The following HAUS1 variants were observed in gnomAD, a reference collection of about 807,000 sequenced individuals.
HAUS1 encodes the protein HAUS augmin like complex subunit 1.
In HAUS1, 25 loss-of-function variants were observed where a neutral mutation model predicts 38.6. That is an observed-to-expected ratio of 0.65 (90% confidence interval 0.47 to 0.91). The LOEUF (loss-of-function observed/expected upper bound fraction) is 0.91. HAUS1 is among the 40% of genes least tolerant of loss of function. The pLI, the probability that HAUS1 is intolerant of heterozygous loss-of-function variation, is 0.00. For synonymous variants in HAUS1, 109 were observed against 112.9 expected, an observed-to-expected ratio of 0.97 and a Z score of 0.22; for missense variants, 325 against 328.4, an observed-to-expected ratio of 0.99 and a Z score of 0.08.
At chr18:46,122,672 C>G in intron 5 of HAUS1, 82 bp downstream of exon 5, 1 of 1,491,770 alleles carries the variant, frequency 6.7e-7, no homozygotes, top group Non-Finnish European at 9.3e-7. Context: ...ATTATTATTC[C>G]CTTTTTACAG....
chr18:46,119,986 A>G lies in HAUS1; in HGVS notation c.402A>G (p.Glu134=), dbSNP rs1237659664. The change falls in exon 4 of 9, where the codon GAA becomes GAG. Residue 134 remains glutamate (E), a synonymous_variant. Transcript: ENST00000282058. ...SDLFRTKSKS[E]EIKIELEKLE... ...TCTTTCGTACCAAATCCAAAAGTGA[A>G]GAAATCAAGATTGAACTGGAAAAAC... 2 of 1,610,340 alleles carry G rather than the reference A, an allele frequency of 1.2e-6. No individual in the cohort carries two copies. The highest frequency in any genetic ancestry group is 2.2e-5 in the South Asian group (2 of 90,124).
At chr18:46,117,788 C>CA (rs977543225) in intron 2 of HAUS1, among the ~76,000 whole-genome samples, 8 of 151,552 alleles carry the variant, frequency 5.3e-5, no homozygotes, top group Non-Finnish European at 7.4e-5. Context: ...ACTAAAAATA[C>CA]AAAAAAAATT....
chr18:46,120,924 A>T (rs1287001114), intron 4 of HAUS1, among the ~76,000 whole-genome samples: 1 of 152,150 alleles, frequency 6.6e-6, no homozygotes, highest in Non-Finnish European at 1.5e-5. Context: ...TGGGTTTTAG[A>T]ATTTTCAAAA....
chr18:46,125,847 A>G (rs1175489923), intron 8 of HAUS1, 56 bp downstream of exon 8: 2 of 1,090,796 alleles, frequency 1.8e-6, no homozygotes, highest in Non-Finnish European at 1.4e-6. Flanking sequence ...AAATGCTAAT[A>G]TAGCTAAAGT....
intron 4 of HAUS1, among the ~76,000 whole-genome samples, chr18:46,120,558 A>G (rs1029365262): frequency 6.6e-6 from 1 of 151,674 alleles, no homozygotes. Context: ...TTTACTTCAT[A>G]CAATTTTACT....
At chr18:46,120,286 G>A (rs1014322924) in intron 4 of HAUS1, among the ~76,000 whole-genome samples, 33 of 151,776 alleles carry the variant, frequency 2.2e-4, no homozygotes, top group Admixed American at 1.7e-3. Context: ...CCAGGCTGGA[G>A]TACAGTGGCA....
At chr18:46,123,079 T>C (rs1038276697) in intron 5 of HAUS1, 27 of 448,942 alleles carry the variant, frequency 6.0e-5, no homozygotes, top group East Asian at 1.7e-4. Context: ...GGCGTGGTGG[T>C]GGGCGCCTGT....
At chr18:46,124,620 C>T (rs1489406418) in intron 6 of HAUS1, among the ~76,000 whole-genome samples, 1 of 151,860 alleles carries the variant, frequency 6.6e-6, no homozygotes, top group Non-Finnish European at 1.5e-5. Context: ...TTAAATAAGA[C>T]TATAACTTTC....
rs34940365 is a variant in HAUS1 at position 46,119,034 on chromosome 18, A to AT, written c.341+726dup. Among the ~76,000 whole-genome samples, 11 of 151,634 alleles carry AT rather than the reference A, an allele frequency of 7.3e-5. No individual in the cohort carries two copies. In the South Asian group the frequency reaches 8.3e-4, roughly 11 times the overall value. ...AGGCGCCTGCCACCATGCCTGGCTAATTTTTTTTGTATTTTTAGTAGAGAC... is the reference window on the plus strand; with the variant it reads ...AGGCGCCTGCCACCATGCCTGGCTAATTTTTTTTTGTATTTTTAGTAGAGAC... On this transcript the variant is annotated intron_variant, in intron 3 of 8. Coordinates refer to ENST00000282058, the MANE Select transcript of HAUS1 (RefSeq NM_138443.4).
chr18:46,116,806 A>G (rs1911808802), intron 2 of HAUS1, among the ~76,000 whole-genome samples: 1 of 152,022 alleles, frequency 6.6e-6, no homozygotes, highest in Admixed American at 6.6e-5. Context: ...TGAGTCCAGG[A>G]GTTCAAGACC....
chr18:46,114,060 C>G (rs1351922838), intron 2 of HAUS1, among the ~76,000 whole-genome samples: 2 of 152,208 alleles, frequency 1.3e-5, no homozygotes, highest in Admixed American at 6.5e-5. Flanking sequence ...ATAAACTGCT[C>G]TACGAGCAAT....
At chr18:46,109,443 ATTGAT>A (rs1911562585) in intron 2 of HAUS1, among the ~76,000 whole-genome samples, 1 of 152,100 alleles carries the variant, frequency 6.6e-6, no homozygotes, top group Non-Finnish European at 1.5e-5. Context: ...TCTTTCTGTT[ATTGAT>A]TTCTCATTTC....
At chr18:46,105,588 G>GTA (rs1171264713) in intron 2 of HAUS1, among the ~76,000 whole-genome samples, 1,598 of 110,276 alleles carry the variant, frequency 0.014, 25 homozygotes, top group African/African-American at 0.044. Flanking sequence ...GTGTGTGTGT[G>GTA]TGTGTATATA....
intron 3 of HAUS1, among the ~76,000 whole-genome samples, chr18:46,119,217 A>T: frequency 6.6e-6 from 1 of 152,202 alleles, no homozygotes; most frequent in East Asian, 1.9e-4. Context: ...ACAACACAGC[A>T]GAACAGCTTA....
At chr18:46,121,255 T>C (rs1911933874) in intron 4 of HAUS1, among the ~76,000 whole-genome samples, 1 of 152,108 alleles carries the variant, frequency 6.6e-6, no homozygotes, top group Non-Finnish European at 1.5e-5. Context: ...AATGGCGCGA[T>C]CTCAGCTCAC....
intron 2 of HAUS1, among the ~76,000 whole-genome samples, chr18:46,114,252 C>G (rs1460798918): frequency 6.6e-6 from 1 of 152,180 alleles, no homozygotes; most frequent in African/African-American, 2.4e-5. Flanking sequence ...TGAGATTGCC[C>G]TTAGGCTTGA....
At position 46,123,326 on chromosome 18, in the gene HAUS1, G is replaced by T; in HGVS notation, c.628G>T (p.Ala210Ser). Residue 210 changes from alanine (A) to serine (S), a missense_variant, in exon 6 of 9, where the codon GCT (alanine) becomes TCT (serine). By Grantham distance (99) the Ala-to-Ser change is moderately conservative (BLOSUM62 1). Transcript: ENST00000282058. ...EEQLSARGMD[A>S]SLSHQSLVAL... is the part of the protein sequence containing the mutation. ...GCAACTTTCAGCCAGAGGCATGGAT[G>T]CTTCTCTGTCTCATCAGTCCTTAGT... 1.2e-6 allele frequency: 2 copies of T among 1,612,438 alleles called. No individual in the cohort carries two copies. The highest frequency in any genetic ancestry group is 1.7e-6 in the Non-Finnish European group (2 of 1,178,972).
intron 2 of HAUS1, among the ~76,000 whole-genome samples, chr18:46,110,674 A>T (rs1911607463): frequency 6.6e-6 from 1 of 151,444 alleles, no homozygotes; most frequent in South Asian, 2.1e-4. Flanking sequence ...GGATCTTGCT[A>T]TTTTGCCTAG....
intron 8 of HAUS1, among the ~76,000 whole-genome samples, chr18:46,127,296 A>T (rs767766046): frequency 8.6e-5 from 13 of 152,046 alleles, no homozygotes; most frequent in Non-Finnish European, 1.5e-4. Flanking sequence ...TGATCAGGTT[A>T]GTGCTTCAGA....
Sources: allele counts gnomAD v4.1 joint callset (sites outside exome capture counted in the v4.1 genomes callset), GRCh38; gene constraint gnomAD v4.1.1; transcripts MANE v1.5; gene names NCBI Gene and HGNC (gene_info 2026-07-23, HGNC 2026-07-21).